PDZD7: variants seen among roughly 807,000 people sequenced by gnomAD.
The protein encoded by PDZD7 is PDZ domain-containing protein 7.
Under a neutral mutation model 84.7 loss-of-function variants are expected in PDZD7, and 72 were observed. That is an observed-to-expected ratio of 0.85 (90% CI 0.70 to 1.03). PDZD7 has a LOEUF of 1.03. Among genes scored for constraint, PDZD7 ranks in the 50% least tolerant of loss-of-function variants. The pLI is 0.00. For synonymous variants in PDZD7, 594 were observed against 580.7 expected (o/e 1.02, Z -0.33); for missense variants, 1,490 against 1,412.9 (o/e 1.05, Z -0.87).
chr10:101,016,430 A>G lies in PDZD7; in HGVS notation c.1523-3T>C, dbSNP rs1300825997. 1 of 1,550,506 alleles carries G rather than the reference A, an allele frequency of 6.4e-7. No individual in the cohort carries two copies. Among genetic ancestry groups the G allele is most frequent in the Non-Finnish European group, 8.7e-7 (1 of 1,147,004 alleles). ...CTGTACCGGGCCCACGCCCCCTGCT[A>G]TGAAGAAGAAAGAGGCTCAGCTGCA... On this transcript the variant is annotated splice_region_variant and splice_polypyrimidine_tract_variant and intron_variant, in intron 9 of 16. Coordinates refer to ENST00000619208, the MANE Select transcript of PDZD7 (RefSeq NM_001195263.2).
chr10:101,010,909 G>T, intron 14 of PDZD7, 26 bp from the exon 15 acceptor site: 2 of 1,518,234 alleles, frequency 1.3e-6, no homozygotes. Context: ...AAGGTCAGCT[G>T]CCCACTCCTC....
At chr10:101,016,302 A>G in intron 10 of PDZD7, 75 bp downstream of exon 10, 1 of 1,464,432 alleles carries the variant, frequency 6.8e-7, no homozygotes, top group Non-Finnish European at 9.3e-7. Context: ...AGAGCCACTC[A>G]GCTGGCCCCC....
chr10:101,029,793 C>G (rs188948002), intron 2 of PDZD7, among the ~76,000 whole-genome samples: 1 of 152,202 alleles, frequency 6.6e-6, no homozygotes, highest in African/African-American at 2.4e-5. Context: ...CGACCCTGGA[C>G]CCCTGCAGGA....
At chr10:101,019,363 C>T (rs1183666105) in intron 7 of PDZD7, 146 bp from the exon 8 acceptor site, 1 of 1,004,418 alleles carries the variant, frequency 1.0e-6, no homozygotes, top group Non-Finnish European at 1.4e-6. Flanking sequence ...CCCGCTGCTC[C>T]GAAATGCTGC....
intron 11 of PDZD7, among the ~76,000 whole-genome samples, chr10:101,014,310 C>CTGA (rs1170454103): frequency 6.6e-6 from 1 of 152,096 alleles, no homozygotes; most frequent in Non-Finnish European, 1.5e-5. Flanking sequence ...CGCAGAGGGT[C>CTGA]TGATCTCTTG....
chr10:101,025,197 T>C (rs2134114757), intron 2 of PDZD7, among the ~76,000 whole-genome samples: 2 of 152,324 alleles, frequency 1.3e-5, no homozygotes, highest in South Asian at 4.1e-4. Context: ...CTGTTGGAAA[T>C]AGAATGGGTT....
At chr10:101,019,874 C>T (rs1437757580) in intron 7 of PDZD7, among the ~76,000 whole-genome samples, 1 of 151,390 alleles carries the variant, frequency 6.6e-6, no homozygotes, top group Admixed American at 6.6e-5. Flanking sequence ...GATCCACCCA[C>T]CTCAGCCTCC....
In PDZD7 at chr10:101,021,898, TC is replaced by T; in HGVS notation, c.766del (p.Asp256ThrfsTer23). The T allele has an allele frequency of 6.2e-7, 1 of 1,613,956 alleles. No individual in the cohort carries two copies. The highest frequency in any genetic ancestry group is 8.5e-7 in the Non-Finnish European group (1 of 1,179,980). Reference sequence around the variant, plus strand: ...GACACCGTTGGCTGCCAGGACCTGGTCCCCCACCTTGATGCCATTCTCCTCG... The same window carrying T: ...GACACCGTTGGCTGCCAGGACCTGGTCCCCACCTTGATGCCATTCTCCTCG... ...LAEENGIKVG[D>X]QVLAANGVRF... On this transcript the variant is annotated frameshift_variant, in exon 6 of 17. Transcript: ENST00000619208. LOFTEE classifies it high-confidence loss of function.
Position 101,019,030 on chromosome 10 carries a change from C to T in PDZD7, c.1116G>A (p.Thr372=). The T allele has an allele frequency of 6.4e-7, 1 of 1,573,414 alleles. No homozygotes were observed. Among genetic ancestry groups the T allele is most frequent in the Non-Finnish European group, 8.6e-7 (1 of 1,163,452 alleles). Residue 372 remains threonine (T), a synonymous_variant, in exon 8 of 17, where the codon ACG becomes ACA. Transcript: ENST00000619208. ...CCACCCGGCCTCCCGCATCGGGCTCCGTCTGCATGGCTGTGTCCGCCCGCC... is the reference window on the plus strand; with the variant it reads ...CCACCCGGCCTCCCGCATCGGGCTCTGTCTGCATGGCTGTGTCCGCCCGCC... The part of the protein sequence containing the change: ...GWGRADTAMQ[T]EPDAGGRVET...
intron 6 of PDZD7, among the ~76,000 whole-genome samples, chr10:101,021,534 G>A (rs539364132): frequency 1.3e-5 from 2 of 152,248 alleles, no homozygotes; most frequent in South Asian, 2.1e-4. Flanking sequence ...CCCTTCATAA[G>A]AAGGGGGCAC....
At position 101,030,149 on chromosome 10, in the gene PDZD7, G is replaced by A. The variant is rs764651720; in HGVS notation, c.71C>T (p.Ser24Phe). Residue 24 changes from serine (S) to phenylalanine (F), a missense_variant, in exon 2 of 17, where the codon TCC (serine) becomes TTC (phenylalanine). Transcript: ENST00000619208. Reference sequence around the variant, plus strand: ...GCCTAGGTGGCCTCGGGAGGAGAGGGAGCTCAGAGAGCCGGAGCTCAGGTC... The same window carrying A: ...GCCTAGGTGGCCTCGGGAGGAGAGGAAGCTCAGAGAGCCGGAGCTCAGGTC... ...LGDLSSGSLS[S>F]LSSRGHLGSD... 3 of 1,614,082 alleles carry A rather than the reference G, an allele frequency of 1.9e-6. No individual in the cohort carries two copies. The highest frequency in any genetic ancestry group is 1.7e-6 in the Non-Finnish European group (2 of 1,179,996).
In PDZD7 at chr10:101,021,310, G is replaced by A. The variant is rs537513942; in HGVS notation, c.867+488C>T. The stretch of plus-strand genomic sequence containing the variant: ...GGGGAGAGTGAGGTGGCATCCTCCA[G>A]GAGCCGGAATGAGAAGACCTGATCC... On this transcript the variant is annotated intron_variant, in intron 6 of 16. Coordinates refer to ENST00000619208, the MANE Select transcript of PDZD7 (RefSeq NM_001195263.2). 1.2e-4 allele frequency among the ~76,000 whole-genome samples: 18 copies of A among 152,256 alleles called. 1 individual carries two copies. In the South Asian group the frequency reaches 3.7e-3, roughly 32 times the overall value.
intron 11 of PDZD7, among the ~76,000 whole-genome samples, chr10:101,013,784 C>T (rs1293073314): frequency 6.6e-6 from 1 of 151,846 alleles, no homozygotes; most frequent in Non-Finnish European, 1.5e-5. Context: ...GTCACCTCTG[C>T]CAAAGACAAT....
Position 101,022,363 on chromosome 10 carries a change from G to A in PDZD7, c.565C>T (p.Leu189=), listed in dbSNP as rs1249943771. ...TTWVDVVNRR[L]VVEKCGSTPS... ...GTTGAACCGCACTTCTCCACTACCA[G>A]GCGCCGATTCACCACATCCACCCTG... The change falls in exon 5 of 17, where the codon CTG becomes TTG. Residue 189 remains leucine, a synonymous_variant. Coordinates refer to ENST00000619208, the MANE Select transcript of PDZD7 (RefSeq NM_001195263.2). 2 of 1,614,162 alleles carry A rather than the reference G, an allele frequency of 1.2e-6. No homozygotes were observed. Among genetic ancestry groups the A allele is most frequent in the Non-Finnish European group, 1.7e-6 (2 of 1,180,034 alleles).
rs1852400691 is a variant in PDZD7, at chr10:101,011,787, C to T, written c.1934-26G>A. 4.5e-6 allele frequency: 7 copies of T among 1,550,238 alleles called. No homozygotes were observed. The Admixed American group carries it at 7.8e-5, about 17-fold the overall frequency. On this transcript the variant is annotated intron_variant, in intron 13 of 16. Transcript: ENST00000619208. ...CTGGTTGGAGAGATGAACAGGTCAG[C>T]GGCAAGGTACCCCGCCAGGCTCCGG...
At chr10:101,023,070 C>CA (rs1853215328) in intron 4 of PDZD7, 3 of 127,878 alleles carry the variant, frequency 2.3e-5, no homozygotes, top group Admixed American at 2.2e-4. Context: ...CCATGCCCGG[C>CA]TTTTTTTTTT....
intron 7 of PDZD7, among the ~76,000 whole-genome samples, chr10:101,020,101 AATT>A (rs554435737): frequency 8.1e-5 from 12 of 147,444 alleles, no homozygotes; most frequent in East Asian, 4.1e-4. Context: ...TTAATTTTTA[AATT>A]ATTATTATTA....
chr10:101,014,104 T>C (rs968204008), intron 11 of PDZD7, among the ~76,000 whole-genome samples: 2 of 151,306 alleles, frequency 1.3e-5, no homozygotes, highest in Non-Finnish European at 2.9e-5. Context: ...GGTGATCCGC[T>C]CACCTCGGCC....
At position 101,023,587 on chromosome 10, in the gene PDZD7, C is replaced by G; in HGVS notation, c.391G>C (p.Asp131His). 6.2e-7 allele frequency: 1 copy of G among 1,613,124 alleles called. No homozygotes were observed. The highest frequency in any genetic ancestry group is 8.5e-7 in the Non-Finnish European group (1 of 1,180,028). Residue 131 changes from aspartate to histidine, a missense_variant, in exon 4 of 17, where the codon GAC becomes CAC. By Grantham distance (81) the Asp-to-His change is moderately conservative. Coordinates refer to ENST00000619208, the MANE Select transcript of PDZD7 (RefSeq NM_001195263.2). ...AGCCCATTCACCTCCGTGATCTTGT[C>G]CCCCACGCACAGGCCAGCCCGCTCT... is the stretch of plus-strand genomic sequence containing the variant. ...SAERAGLCVG[D>H]KITEVNGLSL...
Sources: allele counts gnomAD v4.1 joint callset (sites outside exome capture counted in the v4.1 genomes callset), GRCh38; gene constraint gnomAD v4.1.1; transcripts MANE v1.5; gene names NCBI Gene and HGNC (gene_info 2026-07-23, HGNC 2026-07-21).